FAHD2A: variants seen among roughly 807,000 people sequenced by gnomAD.
FAHD2A encodes fumarylacetoacetate hydrolase domain containing 2A, also known as oxaloacetate tautomerase FAHD2A, mitochondrial.
A neutral mutation model predicts 33.4 loss-of-function variants in FAHD2A; 27 were observed. The ratio of observed to expected loss-of-function variants is 0.81; its 90% CI spans 0.60 to 1.11. FAHD2A has a LOEUF of 1.11. FAHD2A is among the 50% of genes most tolerant of loss of function. The pLI is 0.00. For synonymous variants in FAHD2A, 130 were observed against 153.3 expected, an observed-to-expected ratio of 0.85 and a Z score of 1.12; for missense variants, 296 against 395.0, an observed-to-expected ratio of 0.75 and a Z score of 2.12.
chr2:95,416,866 C>T (rs1683205052), downstream of FAHD2A, among the ~76,000 whole-genome samples: 1 of 152,228 alleles, frequency 6.6e-6, no homozygotes, highest in African/African-American at 2.4e-5. Flanking sequence ...CTCCTTCTTT[C>T]CCTCGTCTCT....
Position 95,413,377 on chromosome 2 carries a change from C to T in FAHD2A, c.*420C>T. The T allele has an allele frequency of 1.9e-6, 3 of 1,559,954 alleles. No individual in the cohort carries two copies. Among genetic ancestry groups the T allele is most frequent in the Non-Finnish European group, 2.6e-6 (3 of 1,160,354 alleles). ...TATAGCTAAGGGTTTGCAGCCTCCT[C>T]TCCATCTTCTGGCTCTAGGACACAG... On this transcript the variant is annotated 3_prime_UTR_variant, in exon 8 of 8. Coordinates refer to ENST00000233379, the MANE Select transcript of FAHD2A (RefSeq NM_016044.3).
Position 95,414,122 on chromosome 2 carries a change from G to C in FAHD2A, c.*1165G>C. 1.3e-6 allele frequency: 2 copies of C among 1,486,148 alleles called. No individual in the cohort carries two copies. The highest frequency in any genetic ancestry group is 1.2e-5 in the South Asian group (1 of 83,464). The allele number at this position is 1,486,148 out of a possible 1,614,324, so 92.1% of individuals were successfully genotyped here. On this transcript the variant is annotated 3_prime_UTR_variant, in exon 8 of 8. Transcript: ENST00000233379. ...GAAGCCCAGGGAGGGATAGATCTCC[G>C]ACTGGACAGAAGACTACTCTGCAGC...
intron 2 of FAHD2A, among the ~76,000 whole-genome samples, 174 bp from the exon 3 acceptor site, chr2:95,406,767 C>T (rs1681631810): frequency 6.6e-6 from 1 of 152,220 alleles, no homozygotes; most frequent in East Asian, 1.9e-4. Context: ...AAAAGCCCTG[C>T]TCTGATAGCA....
At chr2:95,417,062 G>A (rs1309520425), downstream of FAHD2A, among the ~76,000 whole-genome samples, 1 of 152,192 alleles carries the variant, frequency 6.6e-6, no homozygotes, top group Non-Finnish European at 1.5e-5. Context: ...TGCCCCCTCT[G>A]CCCATCCCAG....
downstream of FAHD2A, among the ~76,000 whole-genome samples, chr2:95,417,477 C>T (rs1174713070): frequency 6.6e-6 from 1 of 152,084 alleles, no homozygotes; most frequent in Non-Finnish European, 1.5e-5. Context: ...AAAAAAAATG[C>T]AGAATTAATG....
In FAHD2A at chr2:95,415,813, A is replaced by C. The variant is rs1217940321; in HGVS notation, c.*2856A>C. The C allele has an allele frequency of 1.3e-5, 2 of 152,642 alleles. No individual in the cohort carries two copies. Among genetic ancestry groups the C allele is most frequent in the Non-Finnish European group, 2.9e-5 (2 of 68,096 alleles). The allele number at this position is 152,642 out of a possible 1,614,324, so 9.5% of individuals were successfully genotyped here. ...AGGTCACACTCCCATGCTGCATCCC[A>C]GCCCCTCCAGAAGCAGAGCATGACC... On this transcript the variant is annotated 3_prime_UTR_variant, in exon 8 of 8. Coordinates refer to ENST00000233379, the MANE Select transcript of FAHD2A (RefSeq NM_016044.3).
downstream of FAHD2A, among the ~76,000 whole-genome samples, chr2:95,418,816 A>G (rs1308981528): frequency 6.6e-6 from 1 of 152,122 alleles, no homozygotes; most frequent in Non-Finnish European, 1.5e-5. Context: ...CATACACACC[A>G]AAAATATGTC....
downstream of FAHD2A, among the ~76,000 whole-genome samples, chr2:95,418,221 G>A (rs932054242): frequency 6.6e-6 from 1 of 151,880 alleles, no homozygotes; most frequent in Non-Finnish European, 1.5e-5. Context: ...ATAGAAAATG[G>A]ATAGATGGTA....
At chr2:95,419,033 A>G (rs982104294), downstream of FAHD2A, among the ~76,000 whole-genome samples, 1 of 152,080 alleles carries the variant, frequency 6.6e-6, no homozygotes, top group Non-Finnish European at 1.5e-5. Context: ...TGATGCAGCC[A>G]CAAGTCAAGG....
chr2:95,408,786 T>C (rs1682028693), intron 3 of FAHD2A, among the ~76,000 whole-genome samples: 1 of 152,218 alleles, frequency 6.6e-6, no homozygotes, highest in South Asian at 2.1e-4. Context: ...TTAGTAAATA[T>C]TAGGCTTTGC....
rs545500234 is a variant in FAHD2A at position 95,413,539 on chromosome 2, C to T, written c.*582C>T. ...AGTAGGGGACAGGTGGAGCCTGGGG[C>T]CTGCAGGGCTCGGCGTCTGCTGCAG... On this transcript the variant is annotated 3_prime_UTR_variant, in exon 8 of 8. Transcript: ENST00000233379. The T allele has an allele frequency of 1.3e-6, 2 of 1,598,882 alleles. No individual in the cohort carries two copies. Among genetic ancestry groups the T allele is most frequent in the East Asian group, 2.2e-5 (1 of 44,726 alleles).
downstream of FAHD2A, among the ~76,000 whole-genome samples, chr2:95,418,562 G>A (rs1450385511): frequency 2.0e-5 from 3 of 152,132 alleles, no homozygotes; most frequent in East Asian, 3.9e-4. Context: ...AAGACAGGAA[G>A]AGCCACAGGT....
chr2:95,407,253 T>C (rs888106628), intron 3 of FAHD2A, 96 bp downstream of exon 3: 2 of 1,536,526 alleles, frequency 1.3e-6, no homozygotes, highest in African/African-American at 2.7e-5. Flanking sequence ...TCTCGCTCAA[T>C]AGCGCATTCA....
chr2:95,420,573 C>T, downstream of FAHD2A, among the ~76,000 whole-genome samples: 1 of 151,394 alleles, frequency 6.6e-6, no homozygotes, highest in East Asian at 1.9e-4. Context: ...GTCTGGGCAC[C>T]TAACGAGAGA....
intron 2 of FAHD2A, 39 bp from the exon 3 acceptor site, chr2:95,406,902 T>C: frequency 6.4e-7 from 1 of 1,564,608 alleles, no homozygotes; most frequent in Non-Finnish European, 8.7e-7. Context: ...TGCCCACCTG[T>C]TCCCAGCCAG....
downstream of FAHD2A, among the ~76,000 whole-genome samples, chr2:95,418,249 G>T (rs1050440256): frequency 1.3e-5 from 2 of 151,588 alleles, no homozygotes; most frequent in African/African-American, 4.9e-5. Context: ...GTTGGGGGTG[G>T]TTGTGTGTGT....
chr2:95,406,640 G>C (rs1246811412), intron 2 of FAHD2A, among the ~76,000 whole-genome samples: 1 of 152,160 alleles, frequency 6.6e-6, no homozygotes, highest in South Asian at 2.1e-4. Flanking sequence ...GCTGCGAAGA[G>C]CCAGGGGAAC....
chr2:95,411,512 C>T lies in FAHD2A; in HGVS notation c.685+486C>T, dbSNP rs148331162. On this transcript the variant is annotated intron_variant, in intron 5 of 7. Coordinates refer to ENST00000233379, the MANE Select transcript of FAHD2A (RefSeq NM_016044.3). The stretch of plus-strand genomic sequence containing the variant: ...GGGCAGAGCGCAGCCTCTTACACAG[C>T]CACCCACAACTGTGGTGGAGGTGGG... Among the ~76,000 whole-genome samples, 1,066 of 152,378 alleles carry T rather than the reference C, an allele frequency of 7.0e-3. 12 individuals carry two copies. The highest frequency in any genetic ancestry group is 0.024 in the African/African-American group (1,017 of 41,598).
intron 4 of FAHD2A, 137 bp downstream of exon 4, chr2:95,410,723 C>T: frequency 6.5e-7 from 1 of 1,538,834 alleles, no homozygotes. Flanking sequence ...CTCCTTGCTC[C>T]CTGACACTGC....
Sources: allele counts gnomAD v4.1 joint callset (sites outside exome capture counted in the v4.1 genomes callset), GRCh38; gene constraint gnomAD v4.1.1; transcripts MANE v1.5; gene names NCBI Gene and HGNC (gene_info 2026-07-23, HGNC 2026-07-21).